Variants in ASXL3 observed in about 807,000 individuals in gnomAD.
The protein encoded by ASXL3 is ASXL transcriptional regulator 3.
ASXL3 carries 34 observed loss-of-function variants against 170.6 expected under a neutral mutation model. The ratio of observed to expected loss-of-function variants is 0.20; its 90% confidence interval spans 0.15 to 0.27. The LOEUF (loss-of-function observed/expected upper bound fraction) is 0.27, where lower values mean the gene tolerates loss of function less well. ASXL3 is among the 10% of genes least tolerant of loss of function. The probability of loss-of-function intolerance (pLI) is 1.00; values close to 1 mark genes in which losing one functional copy is unlikely to be tolerated. For missense variants in ASXL3, 2,592 were observed against 2,695.3 expected, an observed-to-expected ratio of 0.96 and a Z score of 0.85; for synonymous variants, 1,002 against 989.1, an observed-to-expected ratio of 1.01 and a Z score of -0.24.
intron 2 of ASXL3, among the ~76,000 whole-genome samples, chr18:33,639,893 T>C (rs2065821063): frequency 6.6e-6 from 1 of 152,174 alleles, no homozygotes. Context: ...GTGTACAACA[T>C]ATATTATTTG....
At chr18:33,720,597 T>C (rs566162990) in intron 8 of ASXL3, among the ~76,000 whole-genome samples, 1 of 152,058 alleles carries the variant, frequency 6.6e-6, no homozygotes, top group African/African-American at 2.4e-5. Context: ...AAAACATCGC[T>C]TCTCATCGAG....
At chr18:33,708,056 T>C (rs897862818) in intron 8 of ASXL3, among the ~76,000 whole-genome samples, 2 of 152,180 alleles carry the variant, frequency 1.3e-5, no homozygotes, top group Non-Finnish European at 2.9e-5. Flanking sequence ...ACAGTTTTGA[T>C]CAAGTGGAGA....
chr18:33,709,706 G>T (rs1434868479), intron 8 of ASXL3, among the ~76,000 whole-genome samples: 1 of 152,164 alleles, frequency 6.6e-6, no homozygotes, highest in Non-Finnish European at 1.5e-5. Flanking sequence ...TTGTAAAAGT[G>T]ATTCGAGCCA....
chr18:33,590,604 T>C (rs2065069585), intron 1 of ASXL3, among the ~76,000 whole-genome samples: 1 of 152,174 alleles, frequency 6.6e-6, no homozygotes, highest in African/African-American at 2.4e-5. Flanking sequence ...TGTTCTAATG[T>C]AGGTACTCTT....
intron 4 of ASXL3, 120 bp downstream of exon 4, chr18:33,646,473 C>A: frequency 4.7e-6 from 3 of 637,328 alleles, no homozygotes; most frequent in Non-Finnish European, 5.0e-6. Context: ...AAATTTTTAC[C>A]GCTGAGATTT....
In ASXL3 at chr18:33,738,516, A is replaced by C. The variant is rs1186945802; in HGVS notation, c.1112A>C (p.Lys371Thr). ...KLGMSREESVKLTTGPNNAGA... is the reference protein window; with the variant it reads ...KLGMSREESVTLTTGPNNAGA... The stretch of plus-strand genomic sequence containing the variant: ...GGCATGTCAAGAGAGGAATCTGTGA[A>C]GCTCACTACTGGACCAAACAACGCT... The change falls in exon 11 of 12, where the codon AAG becomes ACG. Residue 371 changes from lysine to threonine, a missense_variant. Coordinates refer to ENST00000269197, the MANE Select transcript of ASXL3 (RefSeq NM_030632.3). 1 of 1,611,894 alleles carries C rather than the reference A, an allele frequency of 6.2e-7. No individual in the cohort carries two copies. Among genetic ancestry groups the C allele is most frequent in the African/African-American group, 1.3e-5 (1 of 74,946 alleles).
chr18:33,718,163 T>C (rs183326581), intron 8 of ASXL3, among the ~76,000 whole-genome samples: 19 of 152,254 alleles, frequency 1.2e-4, no homozygotes, highest in Middle Eastern at 3.4e-3. Flanking sequence ...GTTCCTACTC[T>C]GTCATGCTAT....
chr18:33,686,609 T>A (rs1367741557), intron 8 of ASXL3, among the ~76,000 whole-genome samples: 1 of 152,154 alleles, frequency 6.6e-6, no homozygotes, highest in Non-Finnish European at 1.5e-5. Context: ...ACATATTGCT[T>A]ATATGTTCCA....
rs773549215 is a variant in ASXL3, at chr18:33,743,723, G to A, written c.3875G>A (p.Cys1292Tyr). 1.2e-6 allele frequency: 2 copies of A among 1,613,836 alleles called. No individual in the cohort carries two copies. Among genetic ancestry groups the A allele is most frequent in the Non-Finnish European group, 1.7e-6 (2 of 1,179,884 alleles). ...ACCATCCAGGGAACTGACACTCCAT[G>A]CATAGCCATTATACCAAAATGTATT... The part of the protein sequence containing the change: ...LKTIQGTDTP[C>Y]IAIIPKCIES... The change falls in exon 12 of 12, where the codon TGC becomes TAC. Residue 1292 changes from cysteine (C) to tyrosine (Y), a missense_variant. Physicochemically the swap from Cys to Tyr is radical, Grantham distance 194 (BLOSUM62 -2). Transcript: ENST00000269197.
intron 8 of ASXL3, among the ~76,000 whole-genome samples, chr18:33,730,554 G>A (rs979752417): frequency 6.6e-6 from 1 of 152,128 alleles, no homozygotes; most frequent in Non-Finnish European, 1.5e-5. Flanking sequence ...AAAAGATGGG[G>A]AAGCTGAGAC....
intron 2 of ASXL3, among the ~76,000 whole-genome samples, chr18:33,638,955 C>T (rs2065809099): frequency 6.6e-6 from 1 of 152,108 alleles, no homozygotes; most frequent in African/African-American, 2.4e-5. Context: ...GTACACATGC[C>T]TGTGTCTTCA....
In ASXL3 at chr18:33,740,101, T is replaced by C. The variant is rs1300281327; in HGVS notation, c.2697T>C (p.Ser899=). The stretch of plus-strand genomic sequence containing the variant: ...ATAATAAGGGAAATGAGCTTCCATC[T>C]GCTAAATTACAGGACAAGCAATATA... ...GTDNKGNELP[S]AKLQDKQYIS... is the part of the protein sequence containing the mutation. Residue 899 remains serine, a synonymous_variant, in exon 11 of 12, where the codon TCT becomes TCC. Coordinates refer to ENST00000269197, the MANE Select transcript of ASXL3 (RefSeq NM_030632.3). The C allele has an allele frequency of 1.2e-6, 2 of 1,613,840 alleles. No homozygotes were observed. Among genetic ancestry groups the C allele is most frequent in the African/African-American group, 2.7e-5 (2 of 74,942 alleles).
At chr18:33,721,000 A>G (rs919509471) in intron 8 of ASXL3, among the ~76,000 whole-genome samples, 17 of 152,102 alleles carry the variant, frequency 1.1e-4, no homozygotes, top group African/African-American at 4.1e-4. Flanking sequence ...ATCAATATTA[A>G]TATTCTCCTT....
At chr18:33,626,263 C>T (rs1308081680) in intron 2 of ASXL3, among the ~76,000 whole-genome samples, 1 of 152,044 alleles carries the variant, frequency 6.6e-6, no homozygotes, top group African/African-American at 2.4e-5. Flanking sequence ...GCTATTGTAG[C>T]TCCATTGATC....
intron 1 of ASXL3, among the ~76,000 whole-genome samples, chr18:33,592,610 A>G (rs2065087194): frequency 2.0e-5 from 3 of 152,154 alleles, no homozygotes; most frequent in Admixed American, 2.0e-4. Context: ...AGAAATAAGC[A>G]TTTGTTTCAA....
chr18:33,584,898 G>GTGTC (rs1161371649), intron 1 of ASXL3, among the ~76,000 whole-genome samples: 1 of 151,550 alleles, frequency 6.6e-6, no homozygotes, highest in Non-Finnish European at 1.5e-5. Context: ...GTGTGTATGT[G>GTGTC]TGTCTGTATG....
At chr18:33,699,828 A>G (rs1187768484) in intron 8 of ASXL3, among the ~76,000 whole-genome samples, 2 of 152,050 alleles carry the variant, frequency 1.3e-5, no homozygotes, top group Non-Finnish European at 2.9e-5. Flanking sequence ...TGTGTATGTG[A>G]AAGCTATTTT....
intron 1 of ASXL3, among the ~76,000 whole-genome samples, chr18:33,598,649 CTT>C (rs1174509111): frequency 6.6e-6 from 1 of 152,158 alleles, no homozygotes; most frequent in Non-Finnish European, 1.5e-5. Context: ...GGATTAGTCT[CTT>C]TTAAACTAGT....
chr18:33,674,489 A>G (rs1214945799), intron 7 of ASXL3, among the ~76,000 whole-genome samples: 1 of 152,228 alleles, frequency 6.6e-6, no homozygotes, highest in Admixed American at 6.5e-5. Context: ...GCTGAATGGA[A>G]TGGCTTATTT....
Sources: allele counts gnomAD v4.1 joint callset (sites outside exome capture counted in the v4.1 genomes callset), GRCh38; gene constraint gnomAD v4.1.1; transcripts MANE v1.5; gene names NCBI Gene and HGNC (gene_info 2026-07-23, HGNC 2026-07-21).